Variants in AK3 observed in about 807,000 individuals in gnomAD.
AK3 encodes GTP:AMP phosphotransferase AK3, mitochondrial.
In AK3, 27 loss-of-function variants were observed where a neutral mutation model predicts 23.7. That is an observed-to-expected ratio of 1.14 (90% CI 0.84 to 1.57). The LOEUF is 1.57. AK3 is among the 40% of genes most tolerant of loss of function. The pLI is 0.00. For missense variants in AK3, 406 were observed against 285.6 expected (o/e 1.42, Z -3.04); for synonymous variants, 159 against 116.0 (o/e 1.37, Z -2.38).
chr9:4,718,684 C>G (rs1004258098), intron 3 of AK3, 147 bp from the exon 4 acceptor site: 3 of 624,516 alleles, frequency 4.8e-6, no homozygotes, highest in East Asian at 2.8e-5. Flanking sequence ...AATCCAACCT[C>G]AAAAGAGATC....
At chr9:4,729,213 T>G (rs976168180) in intron 1 of AK3, among the ~76,000 whole-genome samples, 5 of 151,956 alleles carry the variant, frequency 3.3e-5, no homozygotes, top group Admixed American at 6.6e-5. Context: ...TTTCACCATG[T>G]TGGTCAGGCT....
At chr9:4,729,821 G>A (rs1270888537) in intron 1 of AK3, among the ~76,000 whole-genome samples, 6 of 140,612 alleles carry the variant, frequency 4.3e-5, no homozygotes, top group Middle Eastern at 3.6e-3. Context: ...ACAGAGAAGA[G>A]ACTGTGTCTC....
chr9:4,728,320 C>T (rs986810740), intron 1 of AK3, among the ~76,000 whole-genome samples: 2 of 152,194 alleles, frequency 1.3e-5, no homozygotes, highest in Admixed American at 6.5e-5. Flanking sequence ...CCTGTAATCC[C>T]GGCACTTTGG....
chr9:4,735,888 G>T (rs1842280623), intron 1 of AK3, among the ~76,000 whole-genome samples: 1 of 151,954 alleles, frequency 6.6e-6, no homozygotes, highest in South Asian at 2.1e-4. Flanking sequence ...GCCGAGGTGG[G>T]TGGATCACTT....
rs1193463187 is a variant in AK3 at position 4,719,270 on chromosome 9, A to G, written c.309T>C (p.Asp103=). 2.7e-6 allele frequency: 4 copies of G among 1,492,830 alleles called. No homozygotes were observed. The highest frequency in any genetic ancestry group is 1.8e-6 in the Non-Finnish European group (2 of 1,105,086). 92.5% of individuals were successfully genotyped at this position (1,492,830 alleles called of 1,614,324 possible). Residue 103 remains aspartate, a synonymous_variant, in exon 3 of 5, where the codon GAT becomes GAC. Coordinates refer to ENST00000381809, the MANE Select transcript of AK3 (RefSeq NM_016282.4). ...PRTLPQAEAL[D]RAYQIDTVIN... The stretch of plus-strand genomic sequence containing the variant: ...TCACTGTGTCGATCTGATAAGCTCT[A>G]TCTAGGGCTTCTGCCTGTGGAAGTG...
intron 1 of AK3, among the ~76,000 whole-genome samples, chr9:4,732,100 C>A (rs1466115062): frequency 7.0e-6 from 1 of 142,812 alleles, no homozygotes; most frequent in East Asian, 2.2e-4. Flanking sequence ...CAGGCACACA[C>A]CACAATGCCT....
chr9:4,713,204 G>GT, intron 4 of AK3, 108 bp from the exon 5 acceptor site: 15 of 1,409,528 alleles, frequency 1.1e-5, no homozygotes, highest in Non-Finnish European at 1.4e-5. Context: ...AGGAGTCTTG[G>GT]TAAGTATAGA....
At chr9:4,715,253 A>G (rs1488091702) in intron 4 of AK3, among the ~76,000 whole-genome samples, 1 of 151,480 alleles carries the variant, frequency 6.6e-6, no homozygotes, top group Non-Finnish European at 1.5e-5. Context: ...AGGAAAGAAA[A>G]AGAAAAGAAA....
intron 1 of AK3, among the ~76,000 whole-genome samples, chr9:4,739,206 T>C (rs1193626833): frequency 6.6e-6 from 1 of 151,988 alleles, no homozygotes; most frequent in Non-Finnish European, 1.5e-5. Context: ...GTTCTTTCTT[T>C]CTTTTTTTTC....
At chr9:4,725,771 C>G (rs2130893073) in intron 1 of AK3, among the ~76,000 whole-genome samples, 1 of 152,276 alleles carries the variant, frequency 6.6e-6, no homozygotes, top group East Asian at 1.9e-4. Context: ...TCTGAATACA[C>G]ATTTCTTCAA....
intron 1 of AK3, 144 bp from the exon 2 acceptor site, chr9:4,722,769 G>T: frequency 7.8e-7 from 1 of 1,284,932 alleles, no homozygotes; most frequent in East Asian, 2.5e-5. Flanking sequence ...TAAAAACAAA[G>T]GTTATGGCCG....
chr9:4,717,889 A>G (rs1193085501), intron 4 of AK3, among the ~76,000 whole-genome samples: 3 of 152,210 alleles, frequency 2.0e-5, no homozygotes, highest in South Asian at 2.1e-4. Flanking sequence ...ATCTGCACAT[A>G]GCAGAGTATG....
At chr9:4,737,690 G>C (rs1842329122) in intron 1 of AK3, among the ~76,000 whole-genome samples, 1 of 152,170 alleles carries the variant, frequency 6.6e-6, no homozygotes, top group Admixed American at 6.5e-5. Context: ...CTGCACTCCA[G>C]CCTGGGCGAC....
At chr9:4,725,011 C>A (rs1587647395) in intron 1 of AK3, among the ~76,000 whole-genome samples, 2 of 141,862 alleles carry the variant, frequency 1.4e-5, no homozygotes, top group African/African-American at 5.0e-5. Flanking sequence ...AGTGCTAAAG[C>A]TACTAAACTC....
intron 1 of AK3, among the ~76,000 whole-genome samples, chr9:4,733,411 A>G (rs1842199454): frequency 6.6e-6 from 1 of 152,198 alleles, no homozygotes. Flanking sequence ...GGAGATGTGC[A>G]TGGAAGGGGA....
chr9:4,716,146 A>G (rs1469690640), intron 4 of AK3, among the ~76,000 whole-genome samples: 1 of 152,162 alleles, frequency 6.6e-6, no homozygotes, highest in Non-Finnish European at 1.5e-5. Flanking sequence ...TTGACTTTTC[A>G]GTTACATTAC....
intron 1 of AK3, among the ~76,000 whole-genome samples, chr9:4,730,023 T>C (rs1399252934): frequency 6.6e-6 from 1 of 152,058 alleles, no homozygotes; most frequent in Non-Finnish European, 1.5e-5. Context: ...TACTGATACA[T>C]GTTACAGCAT....
At chr9:4,714,460 C>T (rs1435888027) in intron 4 of AK3, among the ~76,000 whole-genome samples, 1 of 152,156 alleles carries the variant, frequency 6.6e-6, no homozygotes, top group East Asian at 1.9e-4. Flanking sequence ...GGAAATTATG[C>T]AAATACAGCA....
chr9:4,722,519 G>A lies in AK3; in HGVS notation c.258C>T (p.Ser86=). The A allele has an allele frequency of 6.2e-7, 1 of 1,614,134 alleles. No homozygotes were observed. Among genetic ancestry groups the A allele is most frequent in the Non-Finnish European group, 8.5e-7 (1 of 1,180,022 alleles). ...GACTCCACTTACCATCCAACAGCCA[G>A]CTATACTGGGTGAGATTTTTCAGCT... ...LHELKNLTQY[S]WLLDGFPRTL... is the part of the protein sequence containing the mutation. Residue 86 remains serine, a synonymous_variant, in exon 2 of 5, where the codon AGC becomes AGT. Transcript: ENST00000381809.
Sources: allele counts gnomAD v4.1 joint callset (sites outside exome capture counted in the v4.1 genomes callset), GRCh38; gene constraint gnomAD v4.1.1; transcripts MANE v1.5; gene names NCBI Gene and HGNC (gene_info 2026-07-23, HGNC 2026-07-21).